Variants in WIPF1 observed in about 807,000 individuals in gnomAD.
WIPF1 encodes the protein WAS/WASL interacting protein family member 1.
A neutral mutation model predicts 35.4 loss-of-function variants in WIPF1; 13 were observed. The observed-to-expected ratio is 0.37, with a 90% CI of 0.24 to 0.58. WIPF1 has a LOEUF of 0.58. Among genes scored for constraint, WIPF1 ranks in the 20% least tolerant of loss-of-function variants. WIPF1 has a pLI of 0.74. For missense variants in WIPF1, 591 were observed against 667.0 expected (o/e 0.89, Z 1.25); for synonymous variants, 267 against 266.3 (o/e 1.00, Z -0.02).
chr2:174,575,450 A>G, intron 3 of WIPF1, 70 bp from the exon 4 acceptor site: 32 of 1,488,050 alleles, frequency 2.2e-5, no homozygotes, highest in Non-Finnish European at 2.8e-5. Flanking sequence ...AAACAACAGT[A>G]CAACAGGGAG....
chr2:174,617,512 C>A (rs534076479), intron 1 of WIPF1, among the ~76,000 whole-genome samples: 1 of 152,274 alleles, frequency 6.6e-6, no homozygotes, highest in South Asian at 2.1e-4. Flanking sequence ...GGCATCGGAG[C>A]AAATGGTAAT....
chr2:174,631,014 A>G (rs1687003207), intron 1 of WIPF1, among the ~76,000 whole-genome samples: 1 of 152,186 alleles, frequency 6.6e-6, no homozygotes, highest in South Asian at 2.1e-4. Context: ...AGGTATCTTC[A>G]AGTTTGTGTT....
At chr2:174,600,576 T>G (rs997904794), upstream of WIPF1, among the ~76,000 whole-genome samples, 1 of 152,234 alleles carries the variant, frequency 6.6e-6, no homozygotes, top group South Asian at 2.1e-4. Flanking sequence ...TCACGCCTGG[T>G]ACACTCATCT....
chr2:174,648,543 T>C (rs1484464805), intron 1 of WIPF1, among the ~76,000 whole-genome samples: 6 of 152,186 alleles, frequency 3.9e-5, no homozygotes, highest in Admixed American at 2.0e-4. Context: ...AGAATAGGAG[T>C]TAATGGAATA....
At chr2:174,600,271 G>C (rs1313626034), upstream of WIPF1, among the ~76,000 whole-genome samples, 1 of 152,156 alleles carries the variant, frequency 6.6e-6, no homozygotes, top group African/African-American at 2.4e-5. Flanking sequence ...TGTGTAGTTT[G>C]AGTCTATTCC....
chr2:174,573,610 G>A (rs190737205), intron 4 of WIPF1, among the ~76,000 whole-genome samples: 6 of 152,330 alleles, frequency 3.9e-5, no homozygotes, highest in East Asian at 1.9e-4. Context: ...AGTCAGCCAC[G>A]GAAAGATGAG....
At chr2:174,669,982 A>G (rs1310432103) in intron 1 of WIPF1, among the ~76,000 whole-genome samples, 1 of 152,236 alleles carries the variant, frequency 6.6e-6, no homozygotes, top group Admixed American at 6.5e-5. Flanking sequence ...GATGTAGGAC[A>G]TGACAAGGAG....
chr2:174,611,704 A>G (rs1437883868), intron 1 of WIPF1, among the ~76,000 whole-genome samples: 1 of 152,218 alleles, frequency 6.6e-6, no homozygotes, highest in African/African-American at 2.4e-5. Flanking sequence ...AGGCATCAGG[A>G]GGAAATCAAG....
chr2:174,624,097 A>T (rs1037671149), intron 1 of WIPF1, among the ~76,000 whole-genome samples: 1 of 152,226 alleles, frequency 6.6e-6, no homozygotes, highest in African/African-American at 2.4e-5. Flanking sequence ...CTTCCCTCAC[A>T]GCTGCAAAAG....
At chr2:174,640,986 C>A (rs935068148) in intron 1 of WIPF1, among the ~76,000 whole-genome samples, 3 of 152,274 alleles carry the variant, frequency 2.0e-5, no homozygotes, top group South Asian at 2.1e-4. Context: ...GAAGGCATAT[C>A]TGACTTCAAA....
At chr2:174,574,311 A>C (rs1045760779) in intron 4 of WIPF1, among the ~76,000 whole-genome samples, 1 of 152,226 alleles carries the variant, frequency 6.6e-6, no homozygotes, top group Non-Finnish European at 1.5e-5. Context: ...AAATAAATTT[A>C]AATTCAAATT....
chr2:174,633,536 A>C (rs1270400327), intron 1 of WIPF1, among the ~76,000 whole-genome samples: 5 of 152,256 alleles, frequency 3.3e-5, no homozygotes, highest in Admixed American at 3.3e-4. Flanking sequence ...GCTGCACAGC[A>C]GTCCAATAAT....
Position 174,572,558 on chromosome 2 carries a change from T to C in WIPF1, c.359-112A>G, listed in dbSNP as rs1407665340. 2.2e-6 allele frequency: 3 copies of C among 1,335,940 alleles called. No homozygotes were observed. The African/African-American group carries it at 4.5e-5, about 20-fold the overall frequency. The allele number at this position is 1,335,940 out of a possible 1,614,324, so 82.8% of individuals were successfully genotyped here. A position where few individuals can be genotyped will look rare whatever the true frequency, so the allele number is the denominator to read the frequency against. ...GTCCCTTCCTCAGAGGGCTATAAAATACAGGAAACTATTATTTATATAAAT... is the reference window on the plus strand; with the variant it reads ...GTCCCTTCCTCAGAGGGCTATAAAACACAGGAAACTATTATTTATATAAAT... On this transcript the variant is annotated intron_variant, in intron 4 of 7. Transcript: ENST00000679041.
intron 1 of WIPF1, among the ~76,000 whole-genome samples, chr2:174,632,165 C>T (rs1687041414): frequency 6.6e-6 from 1 of 152,178 alleles, no homozygotes; most frequent in Non-Finnish European, 1.5e-5. Flanking sequence ...AAGATTAATA[C>T]TCCAGGTGCT....
intron 1 of WIPF1, among the ~76,000 whole-genome samples, chr2:174,628,395 A>G (rs1686914124): frequency 6.6e-6 from 1 of 152,180 alleles, no homozygotes; most frequent in African/African-American, 2.4e-5. Flanking sequence ...ACTCATGTCC[A>G]CAAGATTCAG....
intron 1 of WIPF1, among the ~76,000 whole-genome samples, chr2:174,621,269 T>A (rs1305697748): frequency 6.6e-6 from 1 of 152,012 alleles, no homozygotes; most frequent in Non-Finnish European, 1.5e-5. Flanking sequence ...TAGAGACTAA[T>A]TAGATGTGTG....
At chr2:174,612,382 T>C (rs1009151977) in intron 1 of WIPF1, among the ~76,000 whole-genome samples, 1 of 152,238 alleles carries the variant, frequency 6.6e-6, no homozygotes, top group Non-Finnish European at 1.5e-5. Flanking sequence ...ACAATTTTAA[T>C]AGTTGCATAT....
Position 174,643,119 on chromosome 2 carries a change from A to G in WIPF1, c.-39+39655T>C, listed in dbSNP as rs770639012. ...TCTTGTGTTAATTTTCAATGCTACT[A>G]TACTATTATATGTGGCCAATACATG... On this transcript the variant is annotated intron_variant, in intron 1 of 8. Coordinates refer to the WIPF1 transcript ENST00000272746. Among the ~76,000 whole-genome samples, 133 of 149,326 alleles carry G rather than the reference A, an allele frequency of 8.9e-4. 19 individuals carry two copies. The highest frequency in any genetic ancestry group is 3.4e-3 in the African/African-American group (132 of 38,708).
intron 3 of WIPF1, among the ~76,000 whole-genome samples, chr2:174,575,625 G>C (rs906134883): frequency 6.6e-6 from 1 of 152,238 alleles, no homozygotes; most frequent in Non-Finnish European, 1.5e-5. Context: ...CTCCCCACTT[G>C]ACTGGCTGCC....
Sources: gnomAD v4.1 joint callset for allele counts (sites outside exome capture counted in the v4.1 genomes callset) on GRCh38, gnomAD v4.1.1 for gene constraint, MANE v1.5 for transcripts, NCBI Gene and HGNC (gene_info 2026-07-23, HGNC 2026-07-21) for gene names.